ARHGAP10: variants seen among roughly 807,000 people sequenced by gnomAD.
ARHGAP10 encodes the protein Rho GTPase activating protein 10.
A neutral mutation model predicts 108.6 loss-of-function variants in ARHGAP10; 87 were observed. That is an observed-to-expected ratio of 0.80 (90% confidence interval 0.67 to 0.96). The LOEUF (loss-of-function observed/expected upper bound fraction) is 0.96, where lower values mean the gene tolerates loss of function less well. ARHGAP10 is among the 40% of genes least tolerant of loss of function. ARHGAP10 has a pLI of 0.00. For missense variants in ARHGAP10, 939 were observed against 954.5 expected (o/e 0.98, Z 0.21); for synonymous variants, 347 against 341.1 (o/e 1.02, Z -0.19).
chr4:147,762,201 T>C (rs1729615930), intron 1 of ARHGAP10, among the ~76,000 whole-genome samples: 1 of 152,090 alleles, frequency 6.6e-6, no homozygotes, highest in African/African-American at 2.4e-5. Flanking sequence ...AGAGATCTGG[T>C]TTCACCATGT....
intron 1 of ARHGAP10, among the ~76,000 whole-genome samples, chr4:147,789,367 G>T (rs1041271667): frequency 2.6e-5 from 4 of 152,220 alleles, no homozygotes; most frequent in Admixed American, 6.5e-5. Context: ...TCAGCTCACT[G>T]CTACCTCTGC....
intron 20 of ARHGAP10, among the ~76,000 whole-genome samples, chr4:148,053,102 G>A (rs1395177510): frequency 2.0e-5 from 3 of 152,086 alleles, no homozygotes; most frequent in Admixed American, 1.3e-4. Context: ...AACCCAGTGC[G>A]GTAGATATAT....
intron 4 of ARHGAP10, among the ~76,000 whole-genome samples, chr4:147,853,545 A>G (rs373233643): frequency 3.9e-5 from 6 of 152,218 alleles, no homozygotes; most frequent in African/African-American, 1.2e-4. Flanking sequence ...AAAATGGGCA[A>G]TTCACAATTA....
rs1200743823 is a variant in ARHGAP10, at chr4:147,864,920, A to G, written c.561A>G (p.Glu187=). 4.2e-5 allele frequency: 67 copies of G among 1,614,014 alleles called. No individual in the cohort carries two copies. Among genetic ancestry groups the G allele is most frequent in the Non-Finnish European group, 5.6e-5 (66 of 1,180,008 alleles). ...TCGAGTATGTGTGTAAGCTGCAGGA[A>G]ATCCAAGAAAGAAAGAAGTTTGAGT... The part of the protein sequence containing the change: ...LSLEYVCKLQ[E]IQERKKFEFV... The change falls in exon 6 of 23, where the codon GAA becomes GAG. Residue 187 remains glutamate, a synonymous_variant. Coordinates refer to ENST00000336498, the MANE Select transcript of ARHGAP10 (RefSeq NM_024605.4).
chr4:148,001,752 C>T (rs113042079), intron 18 of ARHGAP10, among the ~76,000 whole-genome samples: 12 of 152,226 alleles, frequency 7.9e-5, no homozygotes, highest in Admixed American at 7.2e-4. Context: ...GTGATTTTTG[C>T]ACATCGATTT....
Position 147,879,285 on chromosome 4 carries a change from G to A in ARHGAP10, c.886G>A (p.Ala296Thr), listed in dbSNP as rs1199688614. Reference sequence around the variant, plus strand: ...CAAACACTATTGCATGTATCGAAAAGCAGCAAAGAAGTTCAACATGATCCC... The same window carrying A: ...CAAACACTATTGCATGTATCGAAAAACAGCAAAGAAGTTCAACATGATCCC... Reference protein sequence around the residue: ...WVKHYCMYRKAAKKFNMIPFE... With the variant: ...WVKHYCMYRKTAKKFNMIPFE... Residue 296 changes from alanine (A) to threonine (T), a missense_variant, in exon 9 of 23, where the codon GCA becomes ACA. Ala to Thr is a moderately conservative substitution (Grantham distance 58). Coordinates refer to ENST00000336498, the MANE Select transcript of ARHGAP10 (RefSeq NM_024605.4). 3 of 1,613,928 alleles carry A rather than the reference G, an allele frequency of 1.9e-6. No homozygotes were observed. The African/African-American group carries it at 4.0e-5, about 22-fold the overall frequency.
chr4:148,015,810 T>G (rs1395005744), intron 18 of ARHGAP10, among the ~76,000 whole-genome samples: 3 of 152,222 alleles, frequency 2.0e-5, no homozygotes, highest in African/African-American at 7.2e-5. Flanking sequence ...CTATGCTCTT[T>G]TAGAAAGAAG....
At chr4:147,960,791 A>C (rs1043753537) in intron 16 of ARHGAP10, among the ~76,000 whole-genome samples, 2 of 152,222 alleles carry the variant, frequency 1.3e-5, no homozygotes, top group African/African-American at 4.8e-5. Flanking sequence ...TTGTAGGTTG[A>C]GGCTGCAGCA....
chr4:147,743,845 T>C (rs1283921939), intron 1 of ARHGAP10, among the ~76,000 whole-genome samples: 3 of 152,226 alleles, frequency 2.0e-5, no homozygotes, highest in Non-Finnish European at 2.9e-5. Flanking sequence ...GTTGCAAGGC[T>C]TAAATTATTT....
At chr4:147,892,933 A>G (rs1048981173) in intron 10 of ARHGAP10, among the ~76,000 whole-genome samples, 1 of 152,230 alleles carries the variant, frequency 6.6e-6, no homozygotes, top group African/African-American at 2.4e-5. Flanking sequence ...TCCAGGGCAC[A>G]GGGCAGGCTT....
intron 4 of ARHGAP10, among the ~76,000 whole-genome samples, chr4:147,853,686 A>G (rs1164491090): frequency 1.3e-5 from 2 of 152,076 alleles, no homozygotes; most frequent in Non-Finnish European, 2.9e-5. Context: ...ACGTTCTTAC[A>G]TATTGGTTGT....
intron 18 of ARHGAP10, among the ~76,000 whole-genome samples, chr4:148,022,319 A>G (rs1741600163): frequency 6.6e-6 from 1 of 152,194 alleles, no homozygotes; most frequent in Non-Finnish European, 1.5e-5. Context: ...TTTTATATTC[A>G]TGTTTTGTTT....
chr4:147,757,033 G>A (rs1221313451), intron 1 of ARHGAP10, among the ~76,000 whole-genome samples: 1 of 151,800 alleles, frequency 6.6e-6, no homozygotes, highest in African/African-American at 2.4e-5. Context: ...GAGAGAGAGA[G>A]AGAAATGAAT....
rs953588441 is a variant in ARHGAP10, at chr4:147,763,222, G to A, written c.154+30767G>A. 5.3e-5 allele frequency among the ~76,000 whole-genome samples: 8 copies of A among 151,568 alleles called. No individual in the cohort carries two copies. The East Asian group carries it at 7.7e-4, about 15-fold the overall frequency. ...TTTTAATTGGTCTGATAATCTGTAA[G>A]TTTAGCTATTGTTAAACATTATCTG... On this transcript the variant is annotated intron_variant, in intron 1 of 22. Transcript: ENST00000336498.
At chr4:147,749,746 T>C (rs917023140) in intron 1 of ARHGAP10, among the ~76,000 whole-genome samples, 4 of 152,224 alleles carry the variant, frequency 2.6e-5, no homozygotes, top group African/African-American at 9.6e-5. Flanking sequence ...TGACAGTAGG[T>C]AGCTATTTGC....
At chr4:147,868,877 A>G (rs544627524) in intron 7 of ARHGAP10, among the ~76,000 whole-genome samples, 2 of 152,250 alleles carry the variant, frequency 1.3e-5, no homozygotes, top group East Asian at 3.9e-4. Context: ...ACCTCCTGCC[A>G]TGTGACCCGG....
chr4:147,899,402 G>A (rs1277951421), intron 10 of ARHGAP10, among the ~76,000 whole-genome samples: 2 of 151,746 alleles, frequency 1.3e-5, no homozygotes, highest in East Asian at 3.9e-4. Flanking sequence ...GTCACTCTTT[G>A]GATTTTCATT....
chr4:147,906,559 G>A lies in ARHGAP10; in HGVS notation c.1035-79G>A, dbSNP rs1736503157. On this transcript the variant is annotated intron_variant, in intron 10 of 22. Coordinates refer to ENST00000336498, the MANE Select transcript of ARHGAP10 (RefSeq NM_024605.4). ...CACAGATAAAAGTAAAAAAAAAATG[G>A]TTACAACAGTTAAATCTTAGGAAAA... is the stretch of plus-strand genomic sequence containing the variant. The A allele has an allele frequency of 5.7e-6, 8 of 1,415,104 alleles. No homozygotes were observed. The Admixed American group carries it at 7.3e-5, about 13-fold the overall frequency. 87.7% of individuals were successfully genotyped at this position (1,415,104 alleles called of 1,614,324 possible).
At chr4:147,953,040 T>TA (rs1738667796) in intron 15 of ARHGAP10, among the ~76,000 whole-genome samples, 1 of 152,026 alleles carries the variant, frequency 6.6e-6, no homozygotes, top group Non-Finnish European at 1.5e-5. Context: ...GATATGATCA[T>TA]ACAGTTTTCT....
Sources: allele counts gnomAD v4.1 joint callset (sites outside exome capture counted in the v4.1 genomes callset), GRCh38; gene constraint gnomAD v4.1.1; transcripts MANE v1.5; gene names NCBI Gene and HGNC (gene_info 2026-07-23, HGNC 2026-07-21).